The following GRM8 variants were observed in gnomAD, a reference collection of about 807,000 sequenced individuals.
The protein encoded by GRM8 is metabotropic glutamate receptor 8.
In GRM8, 47 loss-of-function variants were observed where a neutral mutation model predicts 87.2. The ratio of observed to expected loss-of-function variants is 0.54; its 90% CI spans 0.43 to 0.69. The LOEUF is 0.69. Ranked by LOEUF, GRM8 falls within the 30% of genes least tolerant of loss-of-function variation. The pLI is 0.00. For synonymous variants in GRM8, 396 were observed against 404.5 expected, an observed-to-expected ratio of 0.98 and a Z score of 0.25; for missense variants, 1,019 against 1,139.2, an observed-to-expected ratio of 0.89 and a Z score of 1.52.
At chr7:126,795,447 A>G (rs1468468855) in intron 6 of GRM8, among the ~76,000 whole-genome samples, 1 of 152,192 alleles carries the variant, frequency 6.6e-6, no homozygotes, top group African/African-American at 2.4e-5. Context: ...CATCATTTTT[A>G]GGAAATACTT....
At chr7:126,632,802 T>C (rs1194789428) in intron 7 of GRM8, among the ~76,000 whole-genome samples, 4 of 152,162 alleles carry the variant, frequency 2.6e-5, no homozygotes, top group Non-Finnish European at 4.4e-5. Context: ...AAATACTGCA[T>C]GTTCTTACTT....
chr7:126,764,734 C>T (rs1818004086), intron 7 of GRM8, among the ~76,000 whole-genome samples: 2 of 152,066 alleles, frequency 1.3e-5, no homozygotes, highest in South Asian at 4.1e-4. Flanking sequence ...AGGGAAGCTG[C>T]TTTCTTCCTC....
Position 126,712,838 on chromosome 7 carries a change from G to GA in GRM8, c.1357+57026dup, listed in dbSNP as rs944430453. On this transcript the variant is annotated intron_variant, in intron 7 of 10. Transcript: ENST00000339582. ...ATTTATGCGGCTAAGAAACATGTGG[G>GA]AAAAAAAAGCTCATCATCACTTGTT... Among the ~76,000 whole-genome samples the GA allele has an allele frequency of 5.1e-4, 78 of 151,856 alleles. 1 individual carries two copies. The highest frequency in any genetic ancestry group is 1.7e-3 in the South Asian group (8 of 4,804).
intron 2 of GRM8, among the ~76,000 whole-genome samples, chr7:127,176,379 C>CA (rs1794107827): frequency 6.6e-6 from 1 of 151,968 alleles, no homozygotes; most frequent in South Asian, 2.1e-4. Context: ...ACAAGGTAAA[C>CA]AAAAAGGTTG....
chr7:127,221,208 T>C (rs912814662), intron 2 of GRM8, among the ~76,000 whole-genome samples: 1 of 152,180 alleles, frequency 6.6e-6, no homozygotes, highest in African/African-American at 2.4e-5. Flanking sequence ...CATTTACATG[T>C]AAGGCAGAGA....
chr7:127,067,201 TC>T (rs1251798415), intron 3 of GRM8, among the ~76,000 whole-genome samples: 1 of 152,188 alleles, frequency 6.6e-6, no homozygotes, highest in Non-Finnish European at 1.5e-5. Context: ...CCAAGAGTTC[TC>T]ACATGAGAAC....
chr7:126,703,327 A>T (rs1221971942), intron 7 of GRM8, among the ~76,000 whole-genome samples: 1 of 152,180 alleles, frequency 6.6e-6, no homozygotes, highest in Non-Finnish European at 1.5e-5. Flanking sequence ...GAATAAACAT[A>T]TGTTTGAAGC....
chr7:127,037,744 T>C (rs1450964692), intron 3 of GRM8, among the ~76,000 whole-genome samples: 3 of 152,044 alleles, frequency 2.0e-5, no homozygotes, highest in Non-Finnish European at 4.4e-5. Flanking sequence ...AGCGGAGATA[T>C]CTCAGCCCTG....
intron 6 of GRM8, among the ~76,000 whole-genome samples, chr7:126,787,170 T>A (rs1332762307): frequency 6.6e-6 from 1 of 152,214 alleles, no homozygotes. Flanking sequence ...TATTAATGAC[T>A]GATAATGCCC....
intron 3 of GRM8, among the ~76,000 whole-genome samples, chr7:126,922,979 C>G (rs576339214): frequency 1.1e-4 from 16 of 152,218 alleles, no homozygotes; most frequent in African/African-American, 3.6e-4. Context: ...GAATCATGAG[C>G]CAATTAAACC....
chr7:126,756,572 A>G (rs11984090), intron 7 of GRM8, among the ~76,000 whole-genome samples: 3,365 of 152,204 alleles, frequency 0.022, 138 homozygotes, highest in African/African-American at 0.077. Flanking sequence ...AAAACTCAAT[A>G]ATAGTAAGAT....
rs187293301 is a variant in GRM8 at position 126,669,475 on chromosome 7, T to G, written c.1358-59977A>C. 9.1e-3 allele frequency among the ~76,000 whole-genome samples: 1,391 copies of G among 152,304 alleles called. 4 individuals are homozygous for G. The highest frequency in any genetic ancestry group is 0.014 in the Non-Finnish European group (984 of 68,014). On this transcript the variant is annotated intron_variant, in intron 7 of 10. Transcript: ENST00000339582. The stretch of plus-strand genomic sequence containing the variant: ...TTTCAGTTCATGTGACTTTAATCTT[T>G]AAGAAATAAAAACACCCCTAAGGAC...
At chr7:126,541,416 G>A (rs1295828116) in intron 8 of GRM8, among the ~76,000 whole-genome samples, 1 of 152,218 alleles carries the variant, frequency 6.6e-6, no homozygotes. Flanking sequence ...CAAGAAACAG[G>A]CCAGGAAAGA....
chr7:126,661,698 A>AG (rs1805195799), intron 7 of GRM8, among the ~76,000 whole-genome samples: 1 of 152,142 alleles, frequency 6.6e-6, no homozygotes, highest in African/African-American at 2.4e-5. Flanking sequence ...TGCCTCACTC[A>AG]GGGGGTTCGT....
At chr7:127,066,075 G>A (rs1272921713) in intron 3 of GRM8, among the ~76,000 whole-genome samples, 1 of 152,026 alleles carries the variant, frequency 6.6e-6, no homozygotes, top group Admixed American at 6.6e-5. Context: ...TTCCCACAGT[G>A]ATTCAATTAA....
chr7:126,905,413 T>C (rs1380256010), intron 3 of GRM8, among the ~76,000 whole-genome samples: 4 of 152,018 alleles, frequency 2.6e-5, no homozygotes, highest in Non-Finnish European at 5.9e-5. Flanking sequence ...TGGGCTGGGG[T>C]AGGAGGAGAA....
At chr7:126,483,161 C>T (rs1189869994) in intron 9 of GRM8, among the ~76,000 whole-genome samples, 1 of 148,890 alleles carries the variant, frequency 6.7e-6, no homozygotes, top group Non-Finnish European at 1.5e-5. Flanking sequence ...TCCTTCCTTC[C>T]TTTCCTTCAA....
intron 6 of GRM8, among the ~76,000 whole-genome samples, chr7:126,821,908 C>G (rs991735460): frequency 6.6e-6 from 1 of 152,188 alleles, no homozygotes; most frequent in Non-Finnish European, 1.5e-5. Flanking sequence ...CCTTAGTCTC[C>G]TATAATCCAT....
chr7:126,796,388 AT>A (rs1339620492), intron 6 of GRM8, among the ~76,000 whole-genome samples: 1 of 152,168 alleles, frequency 6.6e-6, no homozygotes, highest in East Asian at 1.9e-4. Flanking sequence ...ATAGCTCTAG[AT>A]TTTGATGATA....
Sources: gnomAD v4.1 joint callset for allele counts (sites outside exome capture counted in the v4.1 genomes callset) on GRCh38, gnomAD v4.1.1 for gene constraint, MANE v1.5 for transcripts, NCBI Gene and HGNC (gene_info 2026-07-23, HGNC 2026-07-21) for gene names.